KLF8: variants seen among roughly 807,000 people sequenced by gnomAD.
The protein encoded by KLF8 is KLF transcription factor 8, also known as Krueppel-like factor 8.
Under a neutral mutation model 18.2 loss-of-function variants are expected in KLF8, and 10 were observed. The observed-to-expected ratio is 0.55, with a 90% CI of 0.34 to 0.93. KLF8 has a LOEUF of 0.93. KLF8 is among the 40% of genes least tolerant of loss of function. The probability of loss-of-function intolerance (pLI) is 0.02; values close to 1 mark genes in which losing one functional copy is unlikely to be tolerated. For synonymous variants in KLF8, 109 were observed against 97.3 expected, an observed-to-expected ratio of 1.12 and a Z score of -0.71; for missense variants, 264 against 277.9, an observed-to-expected ratio of 0.95 and a Z score of 0.36.
the KLF8 span, among the ~76,000 whole-genome samples, chrX:56,188,713 C>T: frequency 5.4e-5 from 6 of 111,642 alleles, no homozygotes; most frequent in Middle Eastern, 4.6e-3. Flanking sequence ...AGAAATAATG[C>T]CACATATCTA....
At chrX:55,938,155 A>T in the KLF8 span, among the ~76,000 whole-genome samples, 2 of 112,300 alleles carry the variant, frequency 1.8e-5, no homozygotes, top group African/African-American at 3.2e-5. Flanking sequence ...AGTGAAGCCC[A>T]TCAGACTAAC....
At chrX:55,977,327 T>A in the KLF8 span, among the ~76,000 whole-genome samples, 1 of 112,427 alleles carries the variant, frequency 8.9e-6, no homozygotes, top group African/African-American at 3.2e-5. Context: ...TGTATTCATT[T>A]CTTCTTTGCT....
At chrX:55,984,497 A>G in the KLF8 span, among the ~76,000 whole-genome samples, 1 of 111,630 alleles carries the variant, frequency 9.0e-6, no homozygotes, top group Non-Finnish European at 1.9e-5. Flanking sequence ...GTGTATATGT[A>G]TCACATTTTC....
At chrX:56,145,041 C>T in the KLF8 span, among the ~76,000 whole-genome samples, 3 of 110,536 alleles carry the variant, frequency 2.7e-5, no homozygotes, top group Admixed American at 9.7e-5. Context: ...GATCCACCCA[C>T]CTTGACATCC....
chrX:56,241,157 G>A (rs980781377), intron 1 of KLF8, among the ~76,000 whole-genome samples: 1 of 111,511 alleles, frequency 9.0e-6, no homozygotes, highest in African/African-American at 3.3e-5. Flanking sequence ...ACTTTTGTAT[G>A]CATTTAAAAT....
At chrX:56,206,852 A>G in the KLF8 span, among the ~76,000 whole-genome samples, 1 of 112,739 alleles carries the variant, frequency 8.9e-6, no homozygotes. Context: ...GCAGAGTTAC[A>G]TGAGGGCTCT....
the KLF8 span, among the ~76,000 whole-genome samples, chrX:56,044,219 G>A: frequency 2.4e-5 from 1 of 42,043 alleles, no homozygotes; most frequent in African/African-American, 9.9e-5. Flanking sequence ...CCTGTTCCTG[G>A]CCTGTACACC....
the KLF8 span, among the ~76,000 whole-genome samples, chrX:56,165,314 C>G: frequency 2.7e-5 from 3 of 112,090 alleles, no homozygotes; most frequent in East Asian, 8.5e-4. Context: ...AGGCAGTCCC[C>G]CAACACAGCA....
the KLF8 span, among the ~76,000 whole-genome samples, chrX:56,041,475 A>ATT: frequency 0.12 from 10,959 of 93,835 alleles, 1,079 homozygotes; most frequent in African/African-American, 0.31. Flanking sequence ...CAGTCTATCT[A>ATT]TTTTTTTTTT....
At chrX:56,093,297 C>A in the KLF8 span, among the ~76,000 whole-genome samples, 1 of 110,866 alleles carries the variant, frequency 9.0e-6, no homozygotes. Flanking sequence ...TTGAAAGAAA[C>A]CAATGAAGAG....
chrX:56,142,353 T>A, the KLF8 span, among the ~76,000 whole-genome samples: 1 of 111,469 alleles, frequency 9.0e-6, no homozygotes, highest in Admixed American at 9.6e-5. Context: ...TTTATGTTAC[T>A]TCTGGCTTCC....
chrX:56,181,428 C>A, the KLF8 span, among the ~76,000 whole-genome samples: 1 of 111,620 alleles, frequency 9.0e-6, no homozygotes, highest in South Asian at 3.8e-4. Context: ...ATTTGCCAGT[C>A]TGTGTTTTTC....
the KLF8 span, among the ~76,000 whole-genome samples, chrX:55,915,661 G>A: frequency 8.9e-6 from 1 of 111,931 alleles, no homozygotes. Context: ...TAAGCTCACA[G>A]TTTTCTTGAA....
intron 5 of KLF8, among the ~76,000 whole-genome samples, chrX:56,274,440 A>G (rs776009473): frequency 9.0e-6 from 1 of 110,976 alleles, no homozygotes; most frequent in Admixed American, 9.6e-5. Flanking sequence ...GTTTGCAGGT[A>G]TTTTCTCCCA....
intron 5 of KLF8, 83 bp downstream of exon 5, chrX:56,270,404 CAGAG>C (rs757353500): frequency 1.8e-3 from 1,477 of 828,557 alleles, no homozygotes; most frequent in South Asian, 2.9e-3. Flanking sequence ...GAGAGAGGGG[CAGAG>C]AGAGAGAGAG....
chrX:56,129,878 T>A, the KLF8 span, among the ~76,000 whole-genome samples: 253 of 110,033 alleles, frequency 2.3e-3, 2 homozygotes, highest in African/African-American at 8.0e-3. Context: ...GGGAGCTGGG[T>A]AAGGCCTGTA....
At chrX:56,041,226 C>T in the KLF8 span, among the ~76,000 whole-genome samples, 5 of 109,253 alleles carry the variant, frequency 4.6e-5, no homozygotes, top group Non-Finnish European at 7.6e-5. Flanking sequence ...CGGGTTCAAG[C>T]GATTCTCCTG....
the KLF8 span, among the ~76,000 whole-genome samples, chrX:56,078,885 C>A: frequency 9.0e-6 from 1 of 110,955 alleles, no homozygotes; most frequent in South Asian, 3.8e-4. Flanking sequence ...GTGTATGTGT[C>A]CAGGAATTTA....
chrX:56,029,858 T>C, the KLF8 span, among the ~76,000 whole-genome samples: 1 of 111,957 alleles, frequency 8.9e-6, no homozygotes. Flanking sequence ...CAAATCAGCG[T>C]TCCACCTGGC....
Sources: allele counts gnomAD v4.1 joint callset (sites outside exome capture counted in the v4.1 genomes callset), GRCh38; gene constraint gnomAD v4.1.1; transcripts MANE v1.5; gene names NCBI Gene and HGNC (gene_info 2026-07-23, HGNC 2026-07-21).